The following ELANE variants were observed in gnomAD, a reference collection of about 807,000 sequenced individuals.
ELANE encodes the protein neutrophil elastase.
In ELANE, 12 loss-of-function variants were observed where a neutral mutation model predicts 20.6. The ratio of observed to expected loss-of-function variants is 0.58; its 90% CI spans 0.37 to 0.94. ELANE has a LOEUF of 0.94. Among genes scored for constraint, ELANE ranks in the 40% least tolerant of loss-of-function variants. The pLI is 0.01. For missense variants in ELANE, 388 were observed against 395.2 expected (o/e 0.98, Z 0.15); for synonymous variants, 203 against 177.4 (o/e 1.14, Z -1.15).
intron 3 of ELANE, among the ~76,000 whole-genome samples, 184 bp downstream of exon 3, chr19:853,587 C>T (rs899632186): frequency 3.3e-5 from 5 of 152,306 alleles, no homozygotes; most frequent in East Asian, 3.9e-4. Flanking sequence ...CGCCATGGGC[C>T]GTTGAGGGGT....
chr19:853,196 G>T lies in ELANE; in HGVS notation c.225-66G>T, dbSNP rs559254755. 2.9e-4 allele frequency: 435 copies of T among 1,519,762 alleles called. 4 individuals carry two copies. In the African/African-American group the frequency reaches 5.1e-3, roughly 18 times the overall value. The allele number at this position is 1,519,762 out of a possible 1,614,324, so 94.1% of individuals were successfully genotyped here. On this transcript the variant is annotated intron_variant, in intron 2 of 4. Transcript: ENST00000263621. ...CTCAGGCCCGTCGCCGGATGGGGAC[G>T]ACAAGGCGCGGCTGAGCCCCGACCC...
chr19:852,594 A>AGG lies in ELANE; in HGVS notation c.67+209_67+210dup, dbSNP rs371057361. 3.3e-4 allele frequency among the ~76,000 whole-genome samples: 25 copies of AGG among 76,602 alleles called. 1 individual carries two copies. Among genetic ancestry groups the AGG allele is most frequent in the African/African-American group, 7.9e-4 (16 of 20,222 alleles). The allele number at this position is 76,602 out of a possible 152,430, so 50.3% of individuals were successfully genotyped here. The stretch of plus-strand genomic sequence containing the variant: ...CAGAGTTGGGGTTTGAAAACCGGGG[A>AGG]GGGGGGGGGGGTCGCAGGTCGCCCT... On this transcript the variant is annotated intron_variant, in intron 1 of 4. Coordinates refer to ENST00000263621, the MANE Select transcript of ELANE (RefSeq NM_001972.4).
At position 855,593 on chromosome 19, in the gene ELANE, C is replaced by T. The variant is rs144441259; in HGVS notation, c.396C>T (p.Asn132=). 5.7e-5 allele frequency: 91 copies of T among 1,600,748 alleles called. No homozygotes were observed. The East Asian group carries it at 1.8e-3, about 31-fold the overall frequency. Residue 132 remains asparagine (N), a synonymous_variant, in exon 4 of 5, where the codon AAC becomes AAT. Transcript: ENST00000263621. This position sits in a 1 kb window ranked among gnomAD's most constrained non-coding sequence, Gnocchi z 6.2. ...QLNGSATINA[N]VQVAQLPAQG... ...ACGGGTCGGCCACCATCAACGCCAA[C>T]GTGCAGGTGGCCCAGCTGCCGGCTC...
Position 855,570 on chromosome 19 carries a change from G to A in ELANE, c.373G>A (p.Gly125Arg), listed in dbSNP as rs377698556. Residue 125 changes from glycine (G) to arginine (R), a missense_variant, in exon 4 of 5, where the codon GGG becomes AGG. Physicochemically the swap from Gly to Arg is moderately radical, Grantham distance 125 (BLOSUM62 -2). This residue lies in a region of ELANE where 321 missense variants were observed against 309.8 expected (regional missense o/e 1.04). Transcript: ENST00000263621. The surrounding 1 kb of genome is among the most constrained non-coding windows in gnomAD (Gnocchi z 6.2). Reference sequence around the variant, plus strand: ...TCTGTCCCCACCGCCACAGCTCAACGGGTCGGCCACCATCAACGCCAACGT... The same window carrying A: ...TCTGTCCCCACCGCCACAGCTCAACAGGTCGGCCACCATCAACGCCAACGT... ...LNDIVILQLN[G>R]SATINANVQV... is the part of the protein sequence containing the mutation. 66 of 1,599,208 alleles carry A rather than the reference G, an allele frequency of 4.1e-5. No homozygotes were observed. The highest frequency in any genetic ancestry group is 3.3e-4 in the Middle Eastern group (2 of 6,078).
chr19:856,040 T>C lies in ELANE; in HGVS notation c.680T>C (p.Leu227Pro). ...SFVRGGCASGLYPDAFAPVAQ... is the reference protein window; with the variant it reads ...SFVRGGCASGPYPDAFAPVAQ... ...GTCCGGGGAGGCTGCGCCTCAGGGC[T>C]CTACCCCGATGCCTTTGCCCCGGTG... The change falls in exon 5 of 5, where the codon CTC (leucine) becomes CCC (proline). Residue 227 changes from leucine (L) to proline (P), a missense_variant. Physicochemically the swap from Leu to Pro is moderately conservative, Grantham distance 98 (BLOSUM62 -3). This residue lies in a region of ELANE where 321 missense variants were observed against 309.8 expected (regional missense o/e 1.04). Transcript: ENST00000263621. 1 of 1,613,574 alleles carries C rather than the reference T, an allele frequency of 6.2e-7. No individual in the cohort carries two copies. The highest frequency in any genetic ancestry group is 8.5e-7 in the Non-Finnish European group (1 of 1,180,034).
chr19:852,735 C>A (rs1425998423), intron 1 of ELANE, 141 bp from the exon 2 acceptor site: 30 of 1,263,262 alleles, frequency 2.4e-5, no homozygotes, highest in Non-Finnish European at 3.1e-5. Context: ...GGCCCCGATC[C>A]CGTGGGTTCC....
chr19:855,863 G>C lies in ELANE; in HGVS notation c.597+69G>C. 6.2e-7 allele frequency: 1 copy of C among 1,604,610 alleles called. No individual in the cohort carries two copies. The highest frequency in any genetic ancestry group is 1.7e-5 in the Admixed American group (1 of 59,548). On this transcript the variant is annotated intron_variant, in intron 4 of 4. Transcript: ENST00000263621. This position sits in a 1 kb window ranked among gnomAD's most constrained non-coding sequence, Gnocchi z 6.2. ...CCGGACTGCAGCAACAGGCACCGTG[G>C]CTAGACCCTAGGAGGGACTTCCCAA...
intron 2 of ELANE, 50 bp from the exon 3 acceptor site, chr19:853,212 G>A: frequency 1.3e-6 from 2 of 1,544,546 alleles, no homozygotes; most frequent in African/African-American, 1.4e-5. Flanking sequence ...GCGCGGCTGA[G>A]CCCCGACCCC....
Position 855,902 on chromosome 19 carries a change from C to T in ELANE, c.598-56C>T, listed in dbSNP as rs1357963663. 1.7e-5 allele frequency: 28 copies of T among 1,608,598 alleles called. No homozygotes were observed. Among genetic ancestry groups the T allele is most frequent in the South Asian group, 6.6e-5 (6 of 90,994 alleles). On this transcript the variant is annotated intron_variant, in intron 4 of 4. Coordinates refer to ENST00000263621, the MANE Select transcript of ELANE (RefSeq NM_001972.4). The surrounding 1 kb of genome is among the most constrained non-coding windows in gnomAD (Gnocchi z 6.2). Reference sequence around the variant, plus strand: ...GGGACTTCCCAACCCTGACAGGCGGCGGGCAGGTGGGCAGGGCCTCGCAGT... The same window carrying T: ...GGGACTTCCCAACCCTGACAGGCGGTGGGCAGGTGGGCAGGGCCTCGCAGT...
Position 855,772 on chromosome 19 carries a change from GCCGGCAGGCCGGCGT to G in ELANE, c.577_591del (p.Arg193_Val197del). The G allele has an allele frequency of 6.2e-7, 1 of 1,608,652 alleles. No homozygotes were observed. Among genetic ancestry groups the G allele is most frequent in the Non-Finnish European group, 8.5e-7 (1 of 1,179,950 alleles). Reference sequence around the variant, plus strand: ...AGCAACGTCTGCACTCTCGTGAGGGGCCGGCAGGCCGGCGTCTGTTTCGTACGTGCCCTGGGTGTC... The same window carrying G: ...AGCAACGTCTGCACTCTCGTGAGGGGCTGTTTCGTACGTGCCCTGGGTGTC... On this transcript the variant is annotated inframe_deletion, in exon 4 of 5. Transcript: ENST00000263621. The surrounding 1 kb of genome is among the most constrained non-coding windows in gnomAD (Gnocchi z 6.2).
At chr19:853,145 C>G in intron 2 of ELANE, 113 bp downstream of exon 2, 1 of 1,465,994 alleles carries the variant, frequency 6.8e-7, no homozygotes, top group African/African-American at 1.5e-5. Flanking sequence ...GTCCAGGGCC[C>G]GCGGGGCCCC....
At position 855,099 on chromosome 19, in the gene ELANE, C is replaced by T. The variant is rs1399052933; in HGVS notation, c.367-465C>T. Among the ~76,000 whole-genome samples the T allele has an allele frequency of 6.6e-6, 1 of 152,032 alleles. No homozygotes were observed. Among genetic ancestry groups the T allele is most frequent in the East Asian group, 1.9e-4 (1 of 5,198 alleles). ...TGATCTCCTGACCTTTTGATTGGCCCACCTCAGCCTCCCAAAATGCTGGGA... is the reference window on the plus strand; with the variant it reads ...TGATCTCCTGACCTTTTGATTGGCCTACCTCAGCCTCCCAAAATGCTGGGA... On this transcript the variant is annotated intron_variant, in intron 3 of 4. Transcript: ENST00000263621. This position sits in a 1 kb window ranked among gnomAD's most constrained non-coding sequence, Gnocchi z 6.2.
At position 855,961 on chromosome 19, in the gene ELANE, G is replaced by A; in HGVS notation, c.601G>A (p.Asp201Asn). The change falls in exon 5 of 5, where the codon GAC becomes AAC. Residue 201 changes from aspartate (D) to asparagine (N), a missense_variant. Physicochemically the swap from Asp to Asn is conservative, Grantham distance 23. This residue lies in a region of ELANE where 321 missense variants were observed against 309.8 expected (regional missense o/e 1.04). Transcript: ENST00000263621. This position sits in a 1 kb window ranked among gnomAD's most constrained non-coding sequence, Gnocchi z 6.2. ...CCCACCTTGTCTGCCTCCACAGGGGGACTCCGGCAGCCCCTTGGTCTGCAA... is the reference window on the plus strand; with the variant it reads ...CCCACCTTGTCTGCCTCCACAGGGGAACTCCGGCAGCCCCTTGGTCTGCAA... ...RGRQAGVCFG[D>N]SGSPLVCNGL... is the part of the protein sequence containing the mutation. The A allele has an allele frequency of 6.2e-7, 1 of 1,613,178 alleles. No individual in the cohort carries two copies. The highest frequency in any genetic ancestry group is 8.5e-7 in the Non-Finnish European group (1 of 1,180,028).
At chr19:854,078 G>T (rs529289693) in intron 3 of ELANE, among the ~76,000 whole-genome samples, 1 of 152,220 alleles carries the variant, frequency 6.6e-6, no homozygotes, top group African/African-American at 2.4e-5. Flanking sequence ...CAGGGCAGGG[G>T]CCGCCTCTGT....
Position 852,860 on chromosome 19 carries a change from C to G in ELANE, c.68-16C>G. ...CCTTGGCAGGCACTCAGCACCCGCA[C>G]CCGGTGTGTCCCCAGGCACCGCGCT... On this transcript the variant is annotated splice_polypyrimidine_tract_variant and intron_variant, in intron 1 of 4. Transcript: ENST00000263621. The G allele has an allele frequency of 1.3e-6, 2 of 1,592,928 alleles. No individual in the cohort carries two copies. The highest frequency in any genetic ancestry group is 1.7e-6 in the Non-Finnish European group (2 of 1,175,826).
At chr19:853,522 T>G in intron 3 of ELANE, 119 bp downstream of exon 3, 1 of 1,240,596 alleles carries the variant, frequency 8.1e-7, no homozygotes, top group South Asian at 1.4e-5. Flanking sequence ...CATCGTGGGC[T>G]GGGTGGTCCC....
chr19:852,522 AC>A, intron 1 of ELANE, 127 bp downstream of exon 1: 1 of 1,109,574 alleles, frequency 9.0e-7, no homozygotes, highest in Non-Finnish European at 1.2e-6. Context: ...GGACAAGGAG[AC>A]CAGAAGAGAC....
chr19:852,474 G>C, intron 1 of ELANE, 79 bp downstream of exon 1: 2 of 1,521,416 alleles, frequency 1.3e-6, no homozygotes, highest in Middle Eastern at 1.7e-4. Flanking sequence ...GGCCCCACCA[G>C]TGTGGGTCCC....
chr19:853,535 C>T, intron 3 of ELANE, 132 bp downstream of exon 3: 1 of 1,071,166 alleles, frequency 9.3e-7, no homozygotes, highest in Non-Finnish European at 1.3e-6. Context: ...GTGGTCCCCT[C>T]TCCGCGCCTC....
Sources: allele counts gnomAD v4.1 joint callset (sites outside exome capture counted in the v4.1 genomes callset), GRCh38; gene constraint gnomAD v4.1.1; regional missense constraint gnomAD v4.1.1; non-coding constraint Gnocchi (gnomAD v3.1); transcripts MANE v1.5; gene names NCBI Gene and HGNC (gene_info 2026-07-23, HGNC 2026-07-21).